The following CDKL5 variants were observed in gnomAD, a reference collection of about 807,000 sequenced individuals.
The protein encoded by CDKL5 is cyclin dependent kinase like 5, also known as cyclin-dependent kinase-like 5.
A neutral mutation model predicts 61.7 loss-of-function variants in CDKL5; 8 were observed. The ratio of observed to expected loss-of-function variants is 0.13; its 90% CI spans 0.08 to 0.23. The LOEUF (loss-of-function observed/expected upper bound fraction) is 0.23, where lower values mean the gene tolerates loss of function less well. CDKL5 is among the 10% of genes least tolerant of loss of function. The pLI, the probability that CDKL5 is intolerant of heterozygous loss-of-function variation, is 1.00. For missense variants in CDKL5, 440 were observed against 734.5 expected (o/e 0.60, Z 4.63); for synonymous variants, 275 against 272.3 (o/e 1.01, Z -0.10).
chrX:18,635,766 A>T lies in CDKL5; in HGVS notation c.*7009A>T, dbSNP rs964505158. 1 of 228,352 alleles carries T rather than the reference A, an allele frequency of 4.4e-6. No homozygotes were observed. The highest frequency in any genetic ancestry group is 3.0e-5 in the African/African-American group (1 of 32,991). 18.8% of individuals were successfully genotyped at this position (228,352 alleles called of 1,213,427 possible). Reference sequence around the variant, plus strand: ...GTGCTAAGTGCTATGGAGAAAGCAAAGATGCACAGCTTAATAAGGGTTTTT... The same window carrying T: ...GTGCTAAGTGCTATGGAGAAAGCAATGATGCACAGCTTAATAAGGGTTTTT... On this transcript the variant is annotated 3_prime_UTR_variant, in exon 18 of 18. Transcript: ENST00000623535.
intron 1 of CDKL5, among the ~76,000 whole-genome samples, chrX:18,453,085 C>T (rs1376189626): frequency 9.0e-6 from 1 of 111,102 alleles, no homozygotes; most frequent in Non-Finnish European, 1.9e-5. Context: ...CCGCTTCAGC[C>T]TCCCAAAGTG....
At chrX:18,584,475 C>G in intron 8 of CDKL5, 122 bp downstream of exon 8, 3 of 528,368 alleles carry the variant, frequency 5.7e-6, no homozygotes, top group Non-Finnish European at 1.0e-5. Flanking sequence ...TTACATATTG[C>G]AGTATAACAA....
chrX:18,530,042 T>C (rs1046502075), intron 3 of CDKL5, among the ~76,000 whole-genome samples: 2 of 111,338 alleles, frequency 1.8e-5, no homozygotes, highest in Non-Finnish European at 3.8e-5. Flanking sequence ...TAAAAATCTT[T>C]ATTTTGCCGG....
At chrX:18,552,987 C>A (rs979521733) in intron 3 of CDKL5, among the ~76,000 whole-genome samples, 1 of 111,193 alleles carries the variant, frequency 9.0e-6, no homozygotes, top group South Asian at 3.8e-4. Context: ...CAAGGAAGAA[C>A]CTGGTTGCTG....
At chrX:18,573,480 A>C (rs1925197763) in intron 4 of CDKL5, among the ~76,000 whole-genome samples, 1 of 111,813 alleles carries the variant, frequency 8.9e-6, no homozygotes, top group African/African-American at 3.2e-5. Context: ...GCTCACCCCC[A>C]ACTTGCAGAA....
intron 1 of CDKL5, among the ~76,000 whole-genome samples, chrX:18,451,492 A>G (rs907142938): frequency 1.0e-4 from 11 of 109,966 alleles, no homozygotes; most frequent in African/African-American, 3.0e-4. Context: ...CACCCAGCCA[A>G]TATCTCTACT....
At chrX:18,564,009 T>C (rs984504736) in intron 3 of CDKL5, among the ~76,000 whole-genome samples, 1 of 111,832 alleles carries the variant, frequency 8.9e-6, no homozygotes, top group Non-Finnish European at 1.9e-5. Flanking sequence ...GCAGTGGCCA[T>C]CAATAGGGGC....
downstream of CDKL5, chrX:18,641,928 G>A (rs962258292): frequency 7.5e-6 from 8 of 1,071,925 alleles, no homozygotes; most frequent in East Asian, 3.0e-5. Flanking sequence ...TGTCCATCTC[G>A]GTGGTGTGTG....
rs937616495 is a variant in CDKL5 at position 18,632,801 on chromosome X, C to T, written c.*4044C>T. 1.4e-4 allele frequency: 106 copies of T among 750,886 alleles called. No homozygotes were observed. Among genetic ancestry groups the T allele is most frequent in the South Asian group, 2.7e-4 (4 of 14,659 alleles). 61.9% of individuals were successfully genotyped at this position (750,886 alleles called of 1,213,427 possible). A position where few individuals can be genotyped will look rare whatever the true frequency, so the allele number is the denominator to read the frequency against. On this transcript the variant is annotated 3_prime_UTR_variant, in exon 18 of 18. Coordinates refer to ENST00000623535, the MANE Select transcript of CDKL5 (RefSeq NM_001323289.2). ...TGGACTATACTAGGAAATGCTATCCCATTTTCCCTTTCCAGCCCCTCTTAG... is the reference window on the plus strand; with the variant it reads ...TGGACTATACTAGGAAATGCTATCCTATTTTCCCTTTCCAGCCCCTCTTAG...
At chrX:18,556,439 A>C (rs1160518784) in intron 3 of CDKL5, among the ~76,000 whole-genome samples, 1 of 111,193 alleles carries the variant, frequency 9.0e-6, no homozygotes, top group Non-Finnish European at 1.9e-5. Context: ...TCCTGGGTTT[A>C]AAATCTCAGC....
At chrX:18,546,238 T>G (rs1924188170) in intron 3 of CDKL5, among the ~76,000 whole-genome samples, 1 of 110,331 alleles carries the variant, frequency 9.1e-6, no homozygotes, top group Non-Finnish European at 1.9e-5. Flanking sequence ...CATGTTTAAG[T>G]TACATATCTT....
chrX:18,624,950 T>G (rs1377365434), intron 16 of CDKL5, among the ~76,000 whole-genome samples, 178 bp from the exon 17 acceptor site: 1 of 111,726 alleles, frequency 9.0e-6, no homozygotes, highest in Non-Finnish European at 1.9e-5. Context: ...GGCAGAAGAA[T>G]TTAACTAGCA....
chrX:18,641,716 AAAT>A (rs1927580467), downstream of CDKL5: 6 of 345,320 alleles, frequency 1.7e-5, no homozygotes, highest in Admixed American at 2.8e-4. Context: ...CTGAGACAAA[AAAT>A]GAGCAGAAAA....
intron 4 of CDKL5, among the ~76,000 whole-genome samples, chrX:18,573,858 C>G (rs1925210905): frequency 8.9e-6 from 1 of 111,883 alleles, no homozygotes; most frequent in African/African-American, 3.3e-5. Context: ...AAAGCCCTTG[C>G]TTTTATGTCA....
intron 12 of CDKL5, 50 bp from the exon 13 acceptor site, chrX:18,608,761 A>G: frequency 1.2e-6 from 1 of 850,601 alleles, no homozygotes; most frequent in East Asian, 3.1e-5. Context: ...GATGAGTTCC[A>G]TCCCTAGGAA....
intron 1 of CDKL5, among the ~76,000 whole-genome samples, chrX:18,465,002 A>T (rs897172567): frequency 8.9e-6 from 1 of 112,000 alleles, no homozygotes; most frequent in African/African-American, 3.2e-5. Flanking sequence ...TGCTTGCTGT[A>T]TCCACAAAGA....
chrX:18,561,995 C>A (rs1023565528), intron 3 of CDKL5, among the ~76,000 whole-genome samples: 5 of 111,576 alleles, frequency 4.5e-5, no homozygotes, highest in Non-Finnish European at 7.6e-5. Context: ...CAACAAAACT[C>A]TAGTGATCAC....
chrX:18,509,250 T>C (rs975823321), intron 2 of CDKL5, among the ~76,000 whole-genome samples: 16 of 73,037 alleles, frequency 2.2e-4, no homozygotes, highest in Admixed American at 2.1e-3. Context: ...CACACACCCC[T>C]GTCAAGCAAA....
In CDKL5 at chrX:18,514,567, C is replaced by T. The variant is rs1246318535; in HGVS notation, c.99+3713C>T. Among the ~76,000 whole-genome samples the T allele has an allele frequency of 4.6e-5, 5 of 108,592 alleles. No homozygotes were observed. The East Asian group carries it at 8.8e-4, about 19-fold the overall frequency. The allele number at this position is 108,592 out of a possible 115,157, so 94.3% of individuals were successfully genotyped here. ...ACTAAAAATACAAAAATTAGCCGGG[C>T]GTGGGGGCGCATGCTTTTAGTCCCA... On this transcript the variant is annotated intron_variant, in intron 3 of 17. Transcript: ENST00000623535.
Sources: gnomAD v4.1 joint callset for allele counts (sites outside exome capture counted in the v4.1 genomes callset) on GRCh38, gnomAD v4.1.1 for gene constraint, MANE v1.5 for transcripts, NCBI Gene and HGNC (gene_info 2026-07-23, HGNC 2026-07-21) for gene names.